TARP: variants seen among roughly 807,000 people sequenced by gnomAD.
the TARP span, chr7:38,265,211 G>T: frequency 1.4e-6 from 1 of 693,832 alleles, no homozygotes; most frequent in South Asian, 2.1e-5. Context: ...TAGAAAAGTA[G>T]CAGGGCATTT....
the TARP span, among the ~76,000 whole-genome samples, chr7:38,261,237 A>G: frequency 6.6e-6 from 1 of 151,882 alleles, no homozygotes; most frequent in East Asian, 1.9e-4. Context: ...ATTTCTTGCT[A>G]TCTGACTCTA....
At chr7:38,273,627 T>A in the TARP span, 1 of 1,598,256 alleles carries the variant, frequency 6.3e-7, no homozygotes, top group Non-Finnish European at 8.5e-7. Flanking sequence ...ATACCTTGAT[T>A]TTTTTGCCCA....
the TARP span, among the ~76,000 whole-genome samples, chr7:38,271,313 C>A: frequency 6.6e-6 from 1 of 151,382 alleles, no homozygotes; most frequent in Non-Finnish European, 1.5e-5. Context: ...GATAGGGACA[C>A]CTACATACTA....
the TARP span, among the ~76,000 whole-genome samples, chr7:38,262,961 G>T: frequency 7.9e-5 from 12 of 151,632 alleles, no homozygotes; most frequent in African/African-American, 2.7e-4. Context: ...ACTCGGCCAA[G>T]AATTCTTTCA....
chr7:38,269,654 A>G, the TARP span: 3 of 562,866 alleles, frequency 5.3e-6, no homozygotes, highest in South Asian at 2.3e-5. Context: ...CATTTTGCTC[A>G]TAACAAGTTC....
At chr7:38,271,500 A>G in the TARP span, among the ~76,000 whole-genome samples, 1 of 151,506 alleles carries the variant, frequency 6.6e-6, no homozygotes, top group Admixed American at 6.6e-5. Context: ...AGATATCGAC[A>G]TGAAATGAAC....
chr7:38,261,833 C>T, the TARP span, among the ~76,000 whole-genome samples: 1 of 145,382 alleles, frequency 6.9e-6, no homozygotes, highest in Admixed American at 6.9e-5. Context: ...GATACTGCCA[C>T]CGCACTCCAG....
At chr7:38,272,857 G>T in the TARP span, among the ~76,000 whole-genome samples, 1 of 150,636 alleles carries the variant, frequency 6.6e-6, no homozygotes, top group Admixed American at 6.7e-5. Context: ...AAAGAGAATC[G>T]GAAGGTCACT....
the TARP span, among the ~76,000 whole-genome samples, chr7:38,261,041 C>G: frequency 6.6e-6 from 1 of 151,862 alleles, no homozygotes; most frequent in African/African-American, 2.4e-5. Context: ...ATGCCTTTAT[C>G]TCTTCAATAA....
the TARP span, chr7:38,265,722 A>G: frequency 2.2e-6 from 3 of 1,373,250 alleles, no homozygotes; most frequent in Admixed American, 5.8e-5. Context: ...ATCATTAGAG[A>G]AACACACACA....
chr7:38,267,016 C>G, the TARP span, among the ~76,000 whole-genome samples: 2 of 151,724 alleles, frequency 1.3e-5, no homozygotes, highest in South Asian at 4.2e-4. Context: ...TTAAGAATGA[C>G]TAAGAATGCA....
chr7:38,265,638 A>T, the TARP span: 2 of 1,609,636 alleles, frequency 1.2e-6, no homozygotes, highest in Non-Finnish European at 1.7e-6. Context: ...AAGGAAGAAA[A>T]ATAGTGGGCT....
At chr7:38,260,914 G>C in the TARP span, among the ~76,000 whole-genome samples, 1 of 151,914 alleles carries the variant, frequency 6.6e-6, no homozygotes, top group South Asian at 2.1e-4. Context: ...GTTGAGCAGG[G>C]CTAGAGCCCA....
the TARP span, among the ~76,000 whole-genome samples, chr7:38,264,995 C>A: frequency 6.6e-6 from 1 of 151,128 alleles, no homozygotes; most frequent in Middle Eastern, 3.2e-3. Context: ...CAAGTAAAGT[C>A]ATCAAAAGAA....
At chr7:38,271,716 A>G in the TARP span, among the ~76,000 whole-genome samples, 1 of 151,456 alleles carries the variant, frequency 6.6e-6, no homozygotes, top group African/African-American at 2.4e-5. Flanking sequence ...ATATTCAGAG[A>G]CACCATCATA....
chr7:38,264,149 T>G, the TARP span, among the ~76,000 whole-genome samples: 1,434 of 152,006 alleles, frequency 9.4e-3, 18 homozygotes, highest in Non-Finnish European at 0.015. Context: ...AGCACTTCAT[T>G]GATTATATAA....
At chr7:38,273,618 T>C in the TARP span, 10 of 1,598,222 alleles carry the variant, frequency 6.3e-6, no homozygotes, top group Non-Finnish European at 8.5e-6. Flanking sequence ...CGGGACCAAA[T>C]ACCTTGATTT....
At chr7:38,273,499 C>T in the TARP span, 1 of 1,087,716 alleles carries the variant, frequency 9.2e-7, no homozygotes, top group Non-Finnish European at 1.4e-6. Flanking sequence ...GATTAGTGAC[C>T]AAGGAGGGAA....
At chr7:38,266,763 C>T in the TARP span, among the ~76,000 whole-genome samples, 1 of 151,906 alleles carries the variant, frequency 6.6e-6, no homozygotes, top group Non-Finnish European at 1.5e-5. Context: ...CTCAATTTCA[C>T]ATCTGCACCC....
Sources: gnomAD v4.1 joint callset for allele counts (sites outside exome capture counted in the v4.1 genomes callset) on GRCh38, gnomAD v4.1.1 for gene constraint, MANE v1.5 for transcripts.